Variants in ACTN1 observed in about 807,000 individuals in gnomAD.
ACTN1 encodes the protein alpha-actinin-1.
In ACTN1, 30 loss-of-function variants were observed where a neutral mutation model predicts 119.6. The observed-to-expected ratio is 0.25, with a 90% CI of 0.19 to 0.34. ACTN1 has a LOEUF of 0.34. ACTN1 is among the 10% of genes least tolerant of loss of function. ACTN1 has a pLI of 1.00. For synonymous variants in ACTN1, 429 were observed against 472.6 expected (o/e 0.91, Z 1.20); for missense variants, 764 against 1,223.4 (o/e 0.62, Z 5.60).
At chr14:68,906,942 A>G (rs1266043886) in intron 6 of ACTN1, among the ~76,000 whole-genome samples, 1 of 151,496 alleles carries the variant, frequency 6.6e-6, no homozygotes, top group Non-Finnish European at 1.5e-5. Flanking sequence ...TCGGCAATAT[A>G]GTGAGACTTC....
Position 68,878,682 on chromosome 14 carries a change from G to C in ACTN1, c.2362-159C>G. 1 of 1,540,276 alleles carries C rather than the reference G, an allele frequency of 6.5e-7. No homozygotes were observed. The highest frequency in any genetic ancestry group is 8.7e-7 in the Non-Finnish European group (1 of 1,147,180). ...GGTAAAGGAACATAGGAGAAGATGC[G>C]AACACACATCGGTGGAAATGTCCAA... On this transcript the variant is annotated intron_variant, in intron 19 of 21. Transcript: ENST00000394419. The surrounding 1 kb of genome is among the most constrained non-coding windows in gnomAD (Gnocchi z 4.4).
intron 1 of ACTN1, among the ~76,000 whole-genome samples, chr14:68,940,985 T>C (rs1401987006): frequency 6.6e-6 from 1 of 152,190 alleles, no homozygotes; most frequent in Non-Finnish European, 1.5e-5. Flanking sequence ...TTGGGCATAG[T>C]GACTGGGAAC....
chr14:68,925,483 A>T lies in ACTN1; in HGVS notation c.220+75T>A. 1 of 1,249,542 alleles carries T rather than the reference A, an allele frequency of 8.0e-7. No individual in the cohort carries two copies. The highest frequency in any genetic ancestry group is 1.1e-6 in the Non-Finnish European group (1 of 886,262). The allele number at this position is 1,249,542 out of a possible 1,614,324, so 77.4% of individuals were successfully genotyped here. On this transcript the variant is annotated intron_variant, in intron 2 of 21. Coordinates refer to ENST00000394419, the MANE Select transcript of ACTN1 (RefSeq NM_001130004.2). This position sits in a 1 kb window ranked among gnomAD's most constrained non-coding sequence, Gnocchi z 4.3. ...CAAGAGACCAAAACCAGCTGCGCTC[A>T]TAGGCAGAGCAGATGCCAAGGTGTC... is the stretch of plus-strand genomic sequence containing the variant.
intron 1 of ACTN1, among the ~76,000 whole-genome samples, chr14:68,958,081 C>G (rs187084230): frequency 2.0e-5 from 3 of 152,286 alleles, no homozygotes; most frequent in Admixed American, 6.5e-5. Flanking sequence ...GGGTTTCACG[C>G]CTGGCAGGTG....
At chr14:68,881,164 G>A (rs2031472321) in intron 16 of ACTN1, 175 bp from the exon 17 acceptor site, 1 of 601,978 alleles carries the variant, frequency 1.7e-6, no homozygotes, top group Non-Finnish European at 2.9e-6. Flanking sequence ...GGTGCTCTTA[G>A]GTATGGAAAC....
At chr14:68,921,204 T>A in intron 2 of ACTN1, 79 bp from the exon 3 acceptor site, 1 of 1,556,600 alleles carries the variant, frequency 6.4e-7, no homozygotes, top group Non-Finnish European at 8.7e-7. Context: ...TACACCCTCA[T>A]CCAAAGCACA....
intron 8 of ACTN1, among the ~76,000 whole-genome samples, chr14:68,902,022 C>T (rs1040312254): frequency 2.0e-5 from 3 of 152,214 alleles, no homozygotes; most frequent in African/African-American, 7.2e-5. Context: ...AAAGGTGGGG[C>T]TTTATGATGC....
At position 68,876,006 on chromosome 14, in the gene ACTN1, G is replaced by GT. The variant is rs200096340; in HGVS notation, c.2587-990dup. Among the ~76,000 whole-genome samples, 73 of 151,966 alleles carry GT rather than the reference G, an allele frequency of 4.8e-4. 1 individual carries two copies. In the East Asian group the frequency reaches 0.011, roughly 23 times the overall value. ...TTGCTTCGCTAACTGATTCTTTAAG[G>GT]TTTTTTTTAAGACGGAGTCTCACTC... On this transcript the variant is annotated intron_variant, in intron 21 of 21. Coordinates refer to ENST00000394419, the MANE Select transcript of ACTN1 (RefSeq NM_001130004.2).
chr14:68,893,693 C>T lies in ACTN1; in HGVS notation c.817G>A (p.Glu273Lys). Residue 273 changes from glutamate to lysine, a missense_variant, in exon 9 of 22, where the codon GAG becomes AAG. Transcript: ENST00000394419. ...CKVLAVNQEN[E>K]QLMEDYEKLA... is the part of the protein sequence containing the mutation. ...TTCTCGTAGTCTTCCATAAGCTGCT[C>T]GTTCTCCTGGTTGACGGCCAACACC... The T allele has an allele frequency of 1.9e-6, 3 of 1,614,162 alleles. No homozygotes were observed. Among genetic ancestry groups the T allele is most frequent in the Non-Finnish European group, 2.5e-6 (3 of 1,180,032 alleles).
chr14:68,885,636 C>A lies in ACTN1; in HGVS notation c.1235-61G>T, dbSNP rs577285793. The A allele has an allele frequency of 1.3e-6, 2 of 1,572,690 alleles. No individual in the cohort carries two copies. The highest frequency in any genetic ancestry group is 1.7e-6 in the Non-Finnish European group (2 of 1,160,606). ...TGAGAAGCATCTCCTTGGTCCCAACCGCCCACCCCTCAGGGCCCCAGGAGC... is the reference window on the plus strand; with the variant it reads ...TGAGAAGCATCTCCTTGGTCCCAACAGCCCACCCCTCAGGGCCCCAGGAGC... On this transcript the variant is annotated intron_variant, in intron 11 of 21. Transcript: ENST00000394419. The surrounding 1 kb of genome is among the most constrained non-coding windows in gnomAD (Gnocchi z 5.6).
chr14:68,881,026 T>C, intron 16 of ACTN1, 37 bp from the exon 17 acceptor site: 1 of 1,606,942 alleles, frequency 6.2e-7, no homozygotes, highest in Non-Finnish European at 8.5e-7. Flanking sequence ...TCAGACCACC[T>C]CACTCTGCTC....
At chr14:68,942,501 G>A (rs2035795439) in intron 1 of ACTN1, among the ~76,000 whole-genome samples, 1 of 152,212 alleles carries the variant, frequency 6.6e-6, no homozygotes, top group Non-Finnish European at 1.5e-5. Context: ...CACCCAGGAG[G>A]AAGTTTCTGG....
At chr14:68,877,916 C>G (rs1462666491) in intron 20 of ACTN1, 1 of 158,534 alleles carries the variant, frequency 6.3e-6, no homozygotes, top group Non-Finnish European at 1.4e-5. Flanking sequence ...ATGCCCTGCG[C>G]TGGACAGCCT....
rs749614229 is a variant in ACTN1, at chr14:68,882,853, G to A, written c.1818+20C>T. 3 of 1,611,936 alleles carry A rather than the reference G, an allele frequency of 1.9e-6. No individual in the cohort carries two copies. The highest frequency in any genetic ancestry group is 2.5e-6 in the Non-Finnish European group (3 of 1,178,168). ...CCTTTATGAAACTTACAATGGCTCG[G>A]CCCATGCCCTTCAACTCACGTGGTC... On this transcript the variant is annotated intron_variant, in intron 15 of 21. Transcript: ENST00000394419. The surrounding 1 kb of genome is among the most constrained non-coding windows in gnomAD (Gnocchi z 4.5).
At chr14:68,942,516 A>G (rs1007485115) in intron 1 of ACTN1, among the ~76,000 whole-genome samples, 2 of 152,226 alleles carry the variant, frequency 1.3e-5, no homozygotes, top group Non-Finnish European at 2.9e-5. Context: ...TTCTGGTTCC[A>G]AGAGAGCTGA....
At chr14:68,913,994 A>G (rs977362941) in intron 3 of ACTN1, among the ~76,000 whole-genome samples, 30 of 152,272 alleles carry the variant, frequency 2.0e-4, no homozygotes, top group African/African-American at 6.7e-4. Context: ...AGGCCAAGAC[A>G]GGTGGATTGC....
chr14:68,934,406 T>C (rs1309204958), intron 1 of ACTN1, among the ~76,000 whole-genome samples: 1 of 152,270 alleles, frequency 6.6e-6, no homozygotes, highest in Non-Finnish European at 1.5e-5. Flanking sequence ...CATGCTGCCA[T>C]GCTTGTGAAT....
At chr14:68,969,163 GAGAA>G (rs2036798933) in intron 1 of ACTN1, among the ~76,000 whole-genome samples, 1 of 152,206 alleles carries the variant, frequency 6.6e-6, no homozygotes, top group African/African-American at 2.4e-5. Flanking sequence ...TAAGAAAAGA[GAGAA>G]AGAGGAAAAA....
At chr14:68,951,388 GAGGAAAC>G (rs1194227854) in intron 1 of ACTN1, among the ~76,000 whole-genome samples, 1 of 152,160 alleles carries the variant, frequency 6.6e-6, no homozygotes, top group East Asian at 1.9e-4. Context: ...GGGAGAGAAA[GAGGAAAC>G]AGCTCATCCC....
Sources: allele counts gnomAD v4.1 joint callset (sites outside exome capture counted in the v4.1 genomes callset), GRCh38; gene constraint gnomAD v4.1.1; non-coding constraint Gnocchi (gnomAD v3.1); transcripts MANE v1.5; gene names NCBI Gene and HGNC (gene_info 2026-07-23, HGNC 2026-07-21).